Variants in ANTXR2 observed in about 807,000 individuals in gnomAD.
ANTXR2 encodes ANTXR cell adhesion molecule 2.
ANTXR2 carries 44 observed loss-of-function variants against 73.7 expected under a neutral mutation model. That is an observed-to-expected ratio of 0.60 (90% CI 0.47 to 0.77). The LOEUF is 0.77. Ranked by LOEUF, ANTXR2 falls within the 30% of genes least tolerant of loss-of-function variation. The probability of loss-of-function intolerance (pLI) is 0.00; values close to 1 mark genes in which losing one functional copy is unlikely to be tolerated. For synonymous variants in ANTXR2, 217 were observed against 205.9 expected (o/e 1.05, Z -0.46); for missense variants, 604 against 592.5 (o/e 1.02, Z -0.20).
At chr4:80,014,587 A>C (rs1447884965) in intron 11 of ANTXR2, among the ~76,000 whole-genome samples, 1 of 151,924 alleles carries the variant, frequency 6.6e-6, no homozygotes, top group Non-Finnish European at 1.5e-5. Context: ...TATATAAATA[A>C]ATAAATAAAA....
chr4:80,015,093 C>T (rs912251420), intron 11 of ANTXR2, among the ~76,000 whole-genome samples: 1 of 152,172 alleles, frequency 6.6e-6, no homozygotes, highest in African/African-American at 2.4e-5. Flanking sequence ...CTTCCCCTTC[C>T]TACAACCTCA....
At chr4:79,915,652 T>G (rs1727312602) in intron 16 of ANTXR2, among the ~76,000 whole-genome samples, 1 of 151,966 alleles carries the variant, frequency 6.6e-6, no homozygotes, top group Admixed American at 6.6e-5. Context: ...TCCACACGCA[T>G]AGACACAGAG....
rs1169126080 is a variant in ANTXR2 at position 79,905,197 on chromosome 4, G to C, written c.*2232C>G. 1.3e-5 allele frequency: 2 copies of C among 152,108 alleles called. No homozygotes were observed. Among genetic ancestry groups the C allele is most frequent in the African/African-American group, 4.8e-5 (2 of 41,432 alleles). 9.4% of individuals were successfully genotyped at this position (152,108 alleles called of 1,614,324 possible). On this transcript the variant is annotated 3_prime_UTR_variant, in exon 17 of 17. Coordinates refer to ENST00000403729, the MANE Select transcript of ANTXR2 (RefSeq NM_058172.6). ...AATGTAAGTATGCTACATAATTCTA[G>C]AGAAATTTGAAGTAGTTACCAAAGA... is the stretch of plus-strand genomic sequence containing the variant.
intron 12 of ANTXR2, among the ~76,000 whole-genome samples, chr4:79,995,185 T>A (rs185264927): frequency 6.6e-6 from 1 of 152,076 alleles, no homozygotes; most frequent in Non-Finnish European, 1.5e-5. Context: ...AAATTATCAC[T>A]GAAAATTACA....
At chr4:80,058,669 AC>A (rs1734110197) in intron 3 of ANTXR2, among the ~76,000 whole-genome samples, 1 of 111,890 alleles carries the variant, frequency 8.9e-6, no homozygotes, top group African/African-American at 3.0e-5. Flanking sequence ...ATTCATCCCC[AC>A]TGTAATGTTA....
chr4:79,912,213 T>G lies in ANTXR2; in HGVS notation c.1429-4746A>C, dbSNP rs547981531. On this transcript the variant is annotated intron_variant, in intron 16 of 16. Coordinates refer to ENST00000403729, the MANE Select transcript of ANTXR2 (RefSeq NM_058172.6). ...TAATTTTATCACTGACTTTATGCTATAGCGAAATACATTTAAAGTACATTA... is the reference window on the plus strand; with the variant it reads ...TAATTTTATCACTGACTTTATGCTAGAGCGAAATACATTTAAAGTACATTA... Among the ~76,000 whole-genome samples, 17 of 152,068 alleles carry G rather than the reference T, an allele frequency of 1.1e-4. No homozygotes were observed. The East Asian group carries it at 3.3e-3, about 29-fold the overall frequency.
In ANTXR2 at chr4:79,907,134, A is replaced by G; in HGVS notation, c.*295T>C. The stretch of plus-strand genomic sequence containing the variant: ...TGCTTTTTCCTCTTCTACACATTCA[A>G]ACAAACTTTCTTGTACAAACCATAG... On this transcript the variant is annotated 3_prime_UTR_variant, in exon 17 of 17. Transcript: ENST00000403729. The G allele has an allele frequency of 2.3e-6, 1 of 427,694 alleles. No individual in the cohort carries two copies. Among genetic ancestry groups the G allele is most frequent in the Non-Finnish European group, 4.1e-6 (1 of 242,704 alleles). 26.5% of individuals were successfully genotyped at this position (427,694 alleles called of 1,614,324 possible).
chr4:80,071,524 G>A, intron 2 of ANTXR2, 59 bp downstream of exon 2: 3 of 1,440,648 alleles, frequency 2.1e-6, no homozygotes, highest in South Asian at 2.3e-5. Flanking sequence ...TCAGAAAAGG[G>A]AAATTCTACA....
In ANTXR2 at chr4:79,902,011, TGA is replaced by T. The variant is rs1726724123; in HGVS notation, c.*5416_*5417del. On this transcript the variant is annotated 3_prime_UTR_variant, in exon 17 of 17. Transcript: ENST00000403729. Reference sequence around the variant, plus strand: ...CAGGCCATGGACCAGTACCAGTCCATGACCTGGGGGATGGGATCCCTGCTCTA... The same window carrying T: ...CAGGCCATGGACCAGTACCAGTCCATCCTGGGGGATGGGATCCCTGCTCTA... The T allele has an allele frequency of 6.6e-6, 1 of 152,172 alleles. No individual in the cohort carries two copies. Among genetic ancestry groups the T allele is most frequent in the African/African-American group, 2.4e-5 (1 of 41,452 alleles). The allele number at this position is 152,172 out of a possible 1,614,324, so 9.4% of individuals were successfully genotyped here.
At chr4:80,045,925 G>A (rs1269929079) in intron 7 of ANTXR2, among the ~76,000 whole-genome samples, 1 of 151,660 alleles carries the variant, frequency 6.6e-6, no homozygotes, top group East Asian at 1.9e-4. Flanking sequence ...ATAATCACAT[G>A]TTTTGGTTGA....
chr4:79,930,896 C>T (rs1216928119), intron 16 of ANTXR2, among the ~76,000 whole-genome samples: 1 of 152,046 alleles, frequency 6.6e-6, no homozygotes, highest in African/African-American at 2.4e-5. Flanking sequence ...GCTTACAGCT[C>T]TAAAGTGTAT....
intron 16 of ANTXR2, among the ~76,000 whole-genome samples, chr4:79,963,181 C>G (rs1444373994): frequency 6.6e-6 from 1 of 152,026 alleles, no homozygotes; most frequent in East Asian, 1.9e-4. Context: ...TAAGAAGCCA[C>G]CATTAAAAAG....
At chr4:79,950,485 C>G (rs1353961457) in intron 16 of ANTXR2, among the ~76,000 whole-genome samples, 1 of 152,168 alleles carries the variant, frequency 6.6e-6, no homozygotes, top group African/African-American at 2.4e-5. Flanking sequence ...CAAACCAAAG[C>G]TACTATTTCT....
intron 16 of ANTXR2, among the ~76,000 whole-genome samples, chr4:79,951,429 A>T (rs962665601): frequency 2.0e-5 from 3 of 151,964 alleles, no homozygotes; most frequent in Non-Finnish European, 4.4e-5. Context: ...AAAATACAAA[A>T]ATTAGCCAGG....
chr4:79,937,031 AAAG>A (rs1207717116), intron 16 of ANTXR2, among the ~76,000 whole-genome samples: 2 of 148,744 alleles, frequency 1.3e-5, no homozygotes, highest in South Asian at 2.1e-4. Context: ...TCTTTGTTGC[AAAG>A]AAGAAAAATG....
chr4:79,903,350 TTC>T lies in ANTXR2; in HGVS notation c.*4077_*4078del, dbSNP rs58847709. 11,412 of 149,760 alleles carry T rather than the reference TTC, an allele frequency of 0.076. 499 individuals are homozygous for T. Among genetic ancestry groups the T allele is most frequent in the Middle Eastern group, 0.14 (40 of 286 alleles). The allele number at this position is 149,760 out of a possible 1,614,324, so 9.3% of individuals were successfully genotyped here. On this transcript the variant is annotated 3_prime_UTR_variant, in exon 17 of 17. Coordinates refer to ENST00000403729, the MANE Select transcript of ANTXR2 (RefSeq NM_058172.6). ...CACATTGAGTCAATTCTCCCTCTGT[TTC>T]TCTCTCTCTCTCTCTCTCTCACACA...
chr4:79,973,051 G>T (rs930867519), intron 16 of ANTXR2, among the ~76,000 whole-genome samples: 1 of 151,686 alleles, frequency 6.6e-6, no homozygotes, highest in African/African-American at 2.4e-5. Context: ...AAGCATAGTG[G>T]AAATAAATGC....
At chr4:80,024,211 T>C (rs1732308786) in intron 10 of ANTXR2, among the ~76,000 whole-genome samples, 1 of 152,026 alleles carries the variant, frequency 6.6e-6, no homozygotes, top group South Asian at 2.1e-4. Flanking sequence ...CTTACACAAG[T>C]AGGTGGGCAG....
chr4:79,961,420 A>T lies in ANTXR2; in HGVS notation c.1428+16201T>A, dbSNP rs184373859. Among the ~76,000 whole-genome samples, 705 of 151,912 alleles carry T rather than the reference A, an allele frequency of 4.6e-3. 5 individuals are homozygous for T. The highest frequency in any genetic ancestry group is 0.016 in the African/African-American group (670 of 41,420). ...GTCCTGGACCACCAAGACATTTTGA[A>T]AGTATTCTTTTTTTAATTATTGTTA... is the stretch of plus-strand genomic sequence containing the variant. On this transcript the variant is annotated intron_variant, in intron 16 of 16. Coordinates refer to ENST00000403729, the MANE Select transcript of ANTXR2 (RefSeq NM_058172.6).
Sources: gnomAD v4.1 joint callset for allele counts (sites outside exome capture counted in the v4.1 genomes callset) on GRCh38, gnomAD v4.1.1 for gene constraint, MANE v1.5 for transcripts, NCBI Gene and HGNC (gene_info 2026-07-23, HGNC 2026-07-21) for gene names.